Variants in LIMK2 observed in about 807,000 individuals in gnomAD.
LIMK2 encodes LIM domain kinase 2.
Under a neutral mutation model 75.7 loss-of-function variants are expected in LIMK2, and 35 were observed. The observed-to-expected ratio is 0.46, with a 90% CI of 0.35 to 0.61. The LOEUF (loss-of-function observed/expected upper bound fraction) is 0.61, where lower values mean the gene tolerates loss of function less well. LIMK2 is among the 20% of genes least tolerant of loss of function. LIMK2 has a pLI of 0.00. For missense variants in LIMK2, 623 were observed against 831.0 expected, an observed-to-expected ratio of 0.75 and a Z score of 3.08; for synonymous variants, 301 against 319.2, an observed-to-expected ratio of 0.94 and a Z score of 0.61.
At chr22:31,219,326 T>C (rs2048414250) in intron 1 of LIMK2, among the ~76,000 whole-genome samples, 1 of 152,144 alleles carries the variant, frequency 6.6e-6, no homozygotes, top group Non-Finnish European at 1.5e-5. Flanking sequence ...ATAAAGTGAA[T>C]GTAAAGTGAA....
chr22:31,234,320 T>G (rs1316891212), intron 2 of LIMK2, among the ~76,000 whole-genome samples: 5 of 137,448 alleles, frequency 3.6e-5, no homozygotes, highest in Non-Finnish European at 4.6e-5. Flanking sequence ...CTGGAAGGAG[T>G]GATCTTAAAA....
rs747002313 is a variant in LIMK2, at chr22:31,259,994, G to A, written c.468G>A (p.Pro156=). 1.8e-5 allele frequency: 29 copies of A among 1,611,314 alleles called. No individual in the cohort carries two copies. Among genetic ancestry groups the A allele is most frequent in the South Asian group, 9.9e-5 (9 of 90,852 alleles). Residue 156 remains proline (P), a synonymous_variant, in exon 5 of 16, where the codon CCG becomes CCA. Transcript: ENST00000331728. ...ACTCTGTCACGCTCATCTCCATGCCGGCCACCACTGAAGGCAGGCGGGGCT... is the reference window on the plus strand; with the variant it reads ...ACTCTGTCACGCTCATCTCCATGCCAGCCACCACTGAAGGCAGGCGGGGCT... ...LPYSVTLISM[P]ATTEGRRGFS... is the part of the protein sequence containing the mutation.
chr22:31,214,986 G>A (rs1247123296), intron 1 of LIMK2, among the ~76,000 whole-genome samples: 2 of 152,056 alleles, frequency 1.3e-5, no homozygotes, highest in African/African-American at 2.4e-5. Context: ...TATTAGAGAC[G>A]GGGTCTTACC....
intron 2 of LIMK2, among the ~76,000 whole-genome samples, chr22:31,237,593 C>T (rs1317700599): frequency 2.0e-5 from 3 of 151,364 alleles, no homozygotes; most frequent in Non-Finnish European, 2.9e-5. Flanking sequence ...TACAAACTTA[C>T]TACCTACCTC....
chr22:31,248,685 A>G, intron 2 of LIMK2: 2 of 1,614,092 alleles, frequency 1.2e-6, no homozygotes, highest in Non-Finnish European at 1.7e-6. Flanking sequence ...ACGGATTTGC[A>G]GCTGAGCCTG....
chr22:31,262,872 A>G lies in LIMK2; in HGVS notation c.854+81A>G. 1.6e-6 allele frequency: 2 copies of G among 1,272,468 alleles called. No homozygotes were observed. The highest frequency in any genetic ancestry group is 2.1e-6 in the Non-Finnish European group (2 of 936,872). 78.8% of individuals were successfully genotyped at this position (1,272,468 alleles called of 1,614,324 possible). On this transcript the variant is annotated intron_variant, in intron 7 of 15. Transcript: ENST00000331728. This position sits in a 1 kb window ranked among gnomAD's most constrained non-coding sequence, Gnocchi z 5.0. The stretch of plus-strand genomic sequence containing the variant: ...TGAGCTGGCTTTCAGAAGCCTGCAG[A>G]GTTAGGAAAGGAACCAGCTGGCCAG...
intron 11 of LIMK2, among the ~76,000 whole-genome samples, chr22:31,268,629 TGACAGGAGCAAA>T (rs1464533129): frequency 6.6e-6 from 1 of 152,094 alleles, no homozygotes; most frequent in Non-Finnish European, 1.5e-5. Flanking sequence ...AGGATTGAAG[TGACAGGAGCAAA>T]GACCTGGGAG....
In LIMK2 at chr22:31,272,566, C is replaced by T. The variant is rs1166020585; in HGVS notation, c.1420C>T (p.Arg474Trp). 5.0e-6 allele frequency: 8 copies of T among 1,613,456 alleles called. No individual in the cohort carries two copies. Among genetic ancestry groups the T allele is most frequent in the Non-Finnish European group, 5.9e-6 (7 of 1,179,872 alleles). Reference sequence around the variant, plus strand: ...GGTGGTGGCAGACTTTGGGCTGTCACGGCTCATAGTGGAAGAGAGGAAAAG... The same window carrying T: ...GGTGGTGGCAGACTTTGGGCTGTCATGGCTCATAGTGGAAGAGAGGAAAAG... Reference protein sequence around the residue: ...TVVVADFGLSRLIVEERKRAP... With the variant: ...TVVVADFGLSWLIVEERKRAP... The change falls in exon 13 of 16, where the codon CGG (arginine) becomes TGG (tryptophan). Residue 474 changes from arginine to tryptophan, a missense_variant. Physicochemically the swap from Arg to Trp is moderately radical, Grantham distance 101 (BLOSUM62 -3). Transcript: ENST00000331728.
chr22:31,261,005 GT>G (rs1379217378), intron 5 of LIMK2, among the ~76,000 whole-genome samples: 1 of 152,202 alleles, frequency 6.6e-6, no homozygotes, highest in Non-Finnish European at 1.5e-5. Flanking sequence ...AAGCCTAAAG[GT>G]ATAGAGACTA....
At chr22:31,235,128 C>T (rs1441393604) in intron 2 of LIMK2, among the ~76,000 whole-genome samples, 2 of 152,086 alleles carry the variant, frequency 1.3e-5, no homozygotes, top group Non-Finnish European at 2.9e-5. Context: ...ACAATTTGGT[C>T]ATGGACTGTG....
chr22:31,273,347 C>T, intron 13 of LIMK2, 105 bp from the exon 14 acceptor site: 1 of 1,017,644 alleles, frequency 9.8e-7, no homozygotes. Context: ...CCTACAGAAC[C>T]TGTTCTAGCC....
intron 4 of LIMK2, 76 bp from the exon 5 acceptor site, chr22:31,259,813 C>A: frequency 7.6e-7 from 1 of 1,307,268 alleles, no homozygotes. Context: ...TGCTTAAAGC[C>A]ACATGGTGCA....
intron 2 of LIMK2, among the ~76,000 whole-genome samples, chr22:31,247,013 A>G (rs1056460523): frequency 6.6e-6 from 1 of 152,194 alleles, no homozygotes; most frequent in Non-Finnish European, 1.5e-5. Context: ...TATCACATGC[A>G]TTGTTGTCCC....
chr22:31,235,000 G>A (rs1408275201), intron 2 of LIMK2, among the ~76,000 whole-genome samples: 2 of 152,028 alleles, frequency 1.3e-5, no homozygotes, highest in African/African-American at 2.4e-5. Context: ...AATAGGTTAG[G>A]TCCCTGTTTT....
chr22:31,216,578 G>T (rs2048390413), intron 1 of LIMK2, among the ~76,000 whole-genome samples: 1 of 152,172 alleles, frequency 6.6e-6, no homozygotes, highest in African/African-American at 2.4e-5. Context: ...AATGAAGAAG[G>T]CACCAACCAA....
At chr22:31,238,595 A>C (rs2048599794) in intron 2 of LIMK2, among the ~76,000 whole-genome samples, 1 of 152,198 alleles carries the variant, frequency 6.6e-6, no homozygotes, top group East Asian at 1.9e-4. Context: ...GTCATTCACC[A>C]AGAAAACATC....
In LIMK2 at chr22:31,267,033, G is replaced by T. The variant is rs772143318; in HGVS notation, c.1091G>T (p.Arg364Leu). 6.2e-7 allele frequency: 1 copy of T among 1,609,694 alleles called. No individual in the cohort carries two copies. Among genetic ancestry groups the T allele is most frequent in the Non-Finnish European group, 8.5e-7 (1 of 1,177,602 alleles). ...GKVMVMKELIRCDEETQKTFL... is the reference protein window; with the variant it reads ...GKVMVMKELILCDEETQKTFL... ...GTGATGGTCATGAAAGAGTTAATTC[G>T]ATGTGATGAGGAGACCCAGAAAACT... Residue 364 changes from arginine to leucine, a missense_variant, in exon 9 of 16, where the codon CGA becomes CTA. Transcript: ENST00000331728.
intron 2 of LIMK2, among the ~76,000 whole-genome samples, chr22:31,256,942 A>C (rs2048788653): frequency 6.7e-6 from 1 of 150,022 alleles, no homozygotes; most frequent in South Asian, 2.2e-4. Flanking sequence ...CTCAGAAGGG[A>C]GGAAGAGGTT....
At chr22:31,277,427 A>C in intron 15 of LIMK2, 1 of 1,193,772 alleles carries the variant, frequency 8.4e-7, no homozygotes, top group South Asian at 2.4e-5. Flanking sequence ...AAAAAAAAAA[A>C]AAAAAATGAT....
Sources: allele counts gnomAD v4.1 joint callset (sites outside exome capture counted in the v4.1 genomes callset), GRCh38; gene constraint gnomAD v4.1.1; non-coding constraint Gnocchi (gnomAD v3.1); transcripts MANE v1.5; gene names NCBI Gene and HGNC (gene_info 2026-07-23, HGNC 2026-07-21).